Variants in ADGRL2 observed in about 807,000 individuals in gnomAD.
ADGRL2 encodes the protein adhesion G protein-coupled receptor L2, also known as calcium-independent alpha-latrotoxin receptor 2.
ADGRL2 carries 44 observed loss-of-function variants against 157.4 expected under a neutral mutation model. The ratio of observed to expected loss-of-function variants is 0.28; its 90% CI spans 0.22 to 0.36. The LOEUF is 0.36. Among genes scored for constraint, ADGRL2 ranks in the 10% least tolerant of loss-of-function variants. The probability of loss-of-function intolerance (pLI) is 1.00; values close to 1 mark genes in which losing one functional copy is unlikely to be tolerated. For synonymous variants in ADGRL2, 585 were observed against 624.7 expected, an observed-to-expected ratio of 0.94 and a Z score of 0.95; for missense variants, 1,510 against 1,768.9, an observed-to-expected ratio of 0.85 and a Z score of 2.63.
chr1:81,938,807 A>T (rs926588216), intron 4 of ADGRL2, among the ~76,000 whole-genome samples: 2 of 60,880 alleles, frequency 3.3e-5, no homozygotes, highest in African/African-American at 1.5e-4. Context: ...CCTATGTAGG[A>T]CAGTGTCTTA....
intron 1 of ADGRL2, among the ~76,000 whole-genome samples, chr1:81,385,137 A>C (rs980644099): frequency 7.2e-5 from 11 of 152,176 alleles, no homozygotes; most frequent in African/African-American, 2.7e-4. Context: ...GAGAATACTT[A>C]AATTTTATCA....
chr1:81,766,924 A>T (rs1389046388), intron 2 of ADGRL2, among the ~76,000 whole-genome samples: 1 of 151,822 alleles, frequency 6.6e-6, no homozygotes, highest in Non-Finnish European at 1.5e-5. Context: ...AAAACACATT[A>T]TAATGCCCTT....
intron 2 of ADGRL2, among the ~76,000 whole-genome samples, chr1:81,523,655 G>A: frequency 6.6e-6 from 1 of 152,166 alleles, no homozygotes; most frequent in East Asian, 1.9e-4. Flanking sequence ...TCATGTATCA[G>A]ATTGGCAAAG....
At chr1:81,816,283 C>G (rs2090396266) in intron 1 of ADGRL2, among the ~76,000 whole-genome samples, 1 of 151,646 alleles carries the variant, frequency 6.6e-6, no homozygotes, top group African/African-American at 2.4e-5. Context: ...GAATAAATCA[C>G]CATAAACTCT....
intron 2 of ADGRL2, among the ~76,000 whole-genome samples, chr1:81,859,918 G>T (rs942709525): frequency 3.4e-5 from 5 of 148,140 alleles, no homozygotes; most frequent in Admixed American, 1.4e-4. Flanking sequence ...ATGTTTCACT[G>T]TTTTTTTTTT....
At chr1:81,902,203 G>C (rs1254266446) in intron 2 of ADGRL2, among the ~76,000 whole-genome samples, 1 of 152,218 alleles carries the variant, frequency 6.6e-6, no homozygotes. Flanking sequence ...TCTGGGTTAA[G>C]ATAGGGGTTG....
At chr1:81,390,687 T>A (rs1363068120) in intron 1 of ADGRL2, among the ~76,000 whole-genome samples, 1 of 152,308 alleles carries the variant, frequency 6.6e-6, no homozygotes, top group African/African-American at 2.4e-5. Flanking sequence ...ACATTCCATA[T>A]GGCAATTTGA....
In ADGRL2 at chr1:81,584,449, G is replaced by T. The variant is rs572149036; in HGVS notation, c.-143+3469G>T. On this transcript the variant is annotated intron_variant, in intron 3 of 24. Transcript: ENST00000370721. ...AGCCCTTTGAAAAGACAAACAATTC[G>T]TATTTACTTAAAATTTGGTCTGCAG... Among the ~76,000 whole-genome samples, 3 of 152,072 alleles carry T rather than the reference G, an allele frequency of 2.0e-5. No homozygotes were observed. The East Asian group carries it at 5.8e-4, about 29-fold the overall frequency.
chr1:81,659,591 G>T (rs555995219), intron 3 of ADGRL2, among the ~76,000 whole-genome samples: 1 of 152,156 alleles, frequency 6.6e-6, no homozygotes, highest in African/African-American at 2.4e-5. Context: ...TTTAAAAAAT[G>T]GATTGACCGC....
intron 1 of ADGRL2, among the ~76,000 whole-genome samples, chr1:81,350,047 G>A (rs1662773500): frequency 6.6e-6 from 1 of 152,082 alleles, no homozygotes; most frequent in South Asian, 2.1e-4. Flanking sequence ...AGTGTTCCAT[G>A]AAATATTTTG....
chr1:81,816,153 A>T (rs900490620), intron 1 of ADGRL2, among the ~76,000 whole-genome samples: 3 of 151,822 alleles, frequency 2.0e-5, no homozygotes, highest in Non-Finnish European at 4.4e-5. Context: ...GAAAATCAAG[A>T]GGAGCATATC....
intron 3 of ADGRL2, among the ~76,000 whole-genome samples, chr1:81,589,731 A>C (rs1233036917): frequency 6.6e-6 from 1 of 152,120 alleles, no homozygotes; most frequent in Non-Finnish European, 1.5e-5. Flanking sequence ...AATTTTCCTC[A>C]GGATGTGGTA....
At chr1:81,439,774 G>A (rs1359398922) in intron 1 of ADGRL2, among the ~76,000 whole-genome samples, 6 of 152,246 alleles carry the variant, frequency 3.9e-5, no homozygotes, top group African/African-American at 1.4e-4. Flanking sequence ...ATTGTGTGAG[G>A]TGGCTGCCCT....
At chr1:81,330,139 A>C (rs1242728044) in intron 1 of ADGRL2, among the ~76,000 whole-genome samples, 1 of 152,164 alleles carries the variant, frequency 6.6e-6, no homozygotes, top group Non-Finnish European at 1.5e-5. Context: ...ATGTCTATTA[A>C]AATATGAGTT....
chr1:81,345,913 G>A (rs1662449639), intron 1 of ADGRL2, among the ~76,000 whole-genome samples: 1 of 152,090 alleles, frequency 6.6e-6, no homozygotes, highest in Non-Finnish European at 1.5e-5. Context: ...AAAGGTTTGA[G>A]CTTTTGTTGA....
At chr1:81,370,826 T>C (rs2076149324) in intron 1 of ADGRL2, among the ~76,000 whole-genome samples, 1 of 152,172 alleles carries the variant, frequency 6.6e-6, no homozygotes, top group Non-Finnish European at 1.5e-5. Context: ...AATTTTCATT[T>C]TGGAGATACA....
At chr1:81,826,960 A>G (rs1327489135) in intron 1 of ADGRL2, among the ~76,000 whole-genome samples, 1 of 152,216 alleles carries the variant, frequency 6.6e-6, no homozygotes, top group African/African-American at 2.4e-5. Flanking sequence ...TAGGTTAAAA[A>G]TGTTACTTTT....
Position 81,979,976 on chromosome 1 carries a change from T to A in ADGRL2, c.3113+16T>A, listed in dbSNP as rs200560468. The A allele has an allele frequency of 7.3e-6, 10 of 1,371,014 alleles. No homozygotes were observed. The East Asian group carries it at 2.1e-4, about 29-fold the overall frequency. 84.9% of individuals were successfully genotyped at this position (1,371,014 alleles called of 1,614,324 possible). A position where few individuals can be genotyped will look rare whatever the true frequency, so the allele number is the denominator to read the frequency against. On this transcript the variant is annotated intron_variant, in intron 18 of 23. Transcript: ENST00000686636. The stretch of plus-strand genomic sequence containing the variant: ...AAAACATTAAGTAAGTATTTTGTAT[T>A]TTAATTTTAATACTTGACAAACTAA...
At chr1:81,534,148 T>C (rs2079675360) in intron 2 of ADGRL2, among the ~76,000 whole-genome samples, 1 of 152,148 alleles carries the variant, frequency 6.6e-6, no homozygotes, top group South Asian at 2.1e-4. Flanking sequence ...TATTTCATTT[T>C]ATTTTATTTA....
Sources: gnomAD v4.1 joint callset for allele counts (sites outside exome capture counted in the v4.1 genomes callset) on GRCh38, gnomAD v4.1.1 for gene constraint, MANE v1.5 for transcripts, NCBI Gene and HGNC (gene_info 2026-07-23, HGNC 2026-07-21) for gene names.